HOOK3: variants seen among roughly 807,000 people sequenced by gnomAD.
HOOK3 encodes the protein hook microtubule tethering protein 3.
Under a neutral mutation model 116.3 loss-of-function variants are expected in HOOK3, and 24 were observed. That is an observed-to-expected ratio of 0.21 (90% CI 0.15 to 0.29). The LOEUF (loss-of-function observed/expected upper bound fraction) is 0.29. Among genes scored for constraint, HOOK3 ranks in the 10% least tolerant of loss-of-function variants. HOOK3 has a pLI of 1.00. For synonymous variants in HOOK3, 275 were observed against 283.0 expected, an observed-to-expected ratio of 0.97 and a Z score of 0.28; for missense variants, 632 against 830.2, an observed-to-expected ratio of 0.76 and a Z score of 2.93.
intron 3 of HOOK3, among the ~76,000 whole-genome samples, chr8:42,928,709 T>G (rs1471243567): frequency 6.6e-6 from 1 of 152,156 alleles, no homozygotes; most frequent in Non-Finnish European, 1.5e-5. Flanking sequence ...TTCTCTATAT[T>G]TTATGCTTTA....
At chr8:43,008,626 A>AATTTTTATTTTTATTTTT (rs71550438) in intron 18 of HOOK3, among the ~76,000 whole-genome samples, 17 of 143,238 alleles carry the variant, frequency 1.2e-4, no homozygotes, top group African/African-American at 2.3e-4. Context: ...GCCTATATTA[A>AATTTTTATTTTTATTTTT]ATTTTTATTT....
rs140560523 is a variant in HOOK3, at chr8:42,952,996, C to T, written c.468+2541C>T. Among the ~76,000 whole-genome samples, 314 of 152,026 alleles carry T rather than the reference C, an allele frequency of 2.1e-3. 1 individual carries two copies. The highest frequency in any genetic ancestry group is 6.7e-3 in the African/African-American group (277 of 41,464). ...TGGCTTTCATGTTTATATTTCTAGC[C>T]GGCAGAAAGGATTGAGGAAAGAGTT... On this transcript the variant is annotated intron_variant, in intron 6 of 21. Transcript: ENST00000307602.
At chr8:42,912,908 T>C (rs1807459953) in intron 2 of HOOK3, among the ~76,000 whole-genome samples, 1 of 152,252 alleles carries the variant, frequency 6.6e-6, no homozygotes, top group Non-Finnish European at 1.5e-5. Context: ...CGCCTATTTA[T>C]CCCTCTCTCC....
intron 21 of HOOK3, among the ~76,000 whole-genome samples, chr8:43,015,363 A>G (rs1439229092): frequency 2.6e-5 from 4 of 151,984 alleles, no homozygotes; most frequent in Admixed American, 2.6e-4. Flanking sequence ...TCTCTACTAA[A>G]AATACAGAAA....
chr8:42,988,605 G>A (rs956920383), intron 15 of HOOK3, among the ~76,000 whole-genome samples: 7 of 152,158 alleles, frequency 4.6e-5, no homozygotes, highest in African/African-American at 1.4e-4. Context: ...GAATAACTTA[G>A]ATTATGGCTG....
intron 4 of HOOK3, among the ~76,000 whole-genome samples, chr8:42,935,891 T>C (rs1327961050): frequency 6.6e-6 from 1 of 152,238 alleles, no homozygotes; most frequent in Non-Finnish European, 1.5e-5. Context: ...TTTGGTTCCA[T>C]ATGAAATTTA....
intron 16 of HOOK3, chr8:42,997,842 ATTAGAAG>A (rs1809308874): frequency 2.2e-6 from 1 of 457,150 alleles, no homozygotes; most frequent in African/African-American, 2.0e-5. Context: ...TCTGCTGGGA[ATTAGAAG>A]TTCATTTCTA....
intron 4 of HOOK3, among the ~76,000 whole-genome samples, chr8:42,933,101 A>G (rs1236716001): frequency 6.6e-6 from 1 of 152,196 alleles, no homozygotes. Context: ...TATCCACCTC[A>G]TCATTATTTC....
chr8:42,921,221 G>A (rs746024495), intron 2 of HOOK3, among the ~76,000 whole-genome samples: 7 of 151,422 alleles, frequency 4.6e-5, no homozygotes, highest in Non-Finnish European at 8.8e-5. Context: ...TCTTTCAGCT[G>A]AATGAAACTG....
chr8:42,940,784 G>C (rs1475131372), intron 4 of HOOK3, among the ~76,000 whole-genome samples: 3 of 152,106 alleles, frequency 2.0e-5, no homozygotes, highest in Non-Finnish European at 2.9e-5. Flanking sequence ...TCCTGAATTT[G>C]AACGTTGGCC....
At chr8:42,918,717 C>T (rs1225503427) in intron 2 of HOOK3, among the ~76,000 whole-genome samples, 1 of 152,158 alleles carries the variant, frequency 6.6e-6, no homozygotes, top group African/African-American at 2.4e-5. Flanking sequence ...GAACACAGCA[C>T]ATGTTTCAGA....
intron 15 of HOOK3, among the ~76,000 whole-genome samples, chr8:42,990,495 T>C (rs1294393062): frequency 6.6e-6 from 1 of 151,380 alleles, no homozygotes; most frequent in South Asian, 2.1e-4. Context: ...ATGTCCACCA[T>C]GGCTAGCTAA....
chr8:43,015,723 T>C (rs751670804), intron 21 of HOOK3, among the ~76,000 whole-genome samples: 61 of 152,314 alleles, frequency 4.0e-4, no homozygotes, highest in Middle Eastern at 6.8e-3. Flanking sequence ...TTCATATTAC[T>C]ATTATTATTT....
intron 4 of HOOK3, among the ~76,000 whole-genome samples, chr8:42,934,231 TC>T (rs1807923241): frequency 6.6e-6 from 1 of 152,122 alleles, no homozygotes; most frequent in African/African-American, 2.4e-5. Context: ...TACACCTTCT[TC>T]TAGCTTGCCT....
At chr8:42,996,025 T>C (rs1809257962) in intron 15 of HOOK3, among the ~76,000 whole-genome samples, 2 of 152,156 alleles carry the variant, frequency 1.3e-5, no homozygotes, top group African/African-American at 2.4e-5. Flanking sequence ...TCCTTCAGTA[T>C]CACCCAAGAC....
At chr8:42,997,740 T>G (rs1809306648) in intron 16 of HOOK3, 103 bp downstream of exon 16, 1 of 725,066 alleles carries the variant, frequency 1.4e-6, no homozygotes, top group African/African-American at 1.8e-5. Flanking sequence ...TTTAGTATTA[T>G]ATTGGTTATA....
chr8:43,016,912 GCC>G (rs1563315454), intron 21 of HOOK3, among the ~76,000 whole-genome samples: 3 of 152,084 alleles, frequency 2.0e-5, no homozygotes, highest in Non-Finnish European at 2.9e-5. Context: ...ATGGGCTCAC[GCC>G]TGTAATTCCA....
chr8:42,944,371 G>A (rs902456821), intron 5 of HOOK3, among the ~76,000 whole-genome samples: 21 of 151,968 alleles, frequency 1.4e-4, no homozygotes, highest in African/African-American at 4.8e-4. Flanking sequence ...AGCCAAGATC[G>A]CATCACTGCA....
In HOOK3 at chr8:42,935,919, T is replaced by A. The variant is rs560661122; in HGVS notation, c.267+5747T>A. ...GAAATTTAAAGTAGTTTTTTCTAAT[T>A]CTTTGAAGAAAGTCAGTGGTAGCTG... On this transcript the variant is annotated intron_variant, in intron 4 of 21. Coordinates refer to ENST00000307602, the MANE Select transcript of HOOK3 (RefSeq NM_032410.4). 5.9e-5 allele frequency among the ~76,000 whole-genome samples: 9 copies of A among 152,366 alleles called. No individual in the cohort carries two copies. In the South Asian group the frequency reaches 1.9e-3, roughly 32 times the overall value.
Sources: allele counts gnomAD v4.1 joint callset (sites outside exome capture counted in the v4.1 genomes callset), GRCh38; gene constraint gnomAD v4.1.1; transcripts MANE v1.5; gene names NCBI Gene and HGNC (gene_info 2026-07-23, HGNC 2026-07-21).